Variants in USP45 observed in about 807,000 individuals in gnomAD.
USP45 encodes ubiquitin specific peptidase 45.
A neutral mutation model predicts 95.8 loss-of-function variants in USP45; 89 were observed. The observed-to-expected ratio is 0.93, with a 90% CI of 0.78 to 1.11. The LOEUF (loss-of-function observed/expected upper bound fraction) is 1.11. Among genes scored for constraint, USP45 ranks in the 50% least tolerant of loss-of-function variants. The probability of loss-of-function intolerance (pLI) is 0.00; values close to 1 mark genes in which losing one functional copy is unlikely to be tolerated. For missense variants in USP45, 898 were observed against 942.5 expected (o/e 0.95, Z 0.62); for synonymous variants, 281 against 316.2 (o/e 0.89, Z 1.18).
chr6:99,485,557 G>C (rs558456990), intron 7 of USP45, among the ~76,000 whole-genome samples: 1 of 152,110 alleles, frequency 6.6e-6, no homozygotes. Flanking sequence ...TACTCATGTG[G>C]GTTAGGGAAG....
chr6:99,486,560 C>T (rs981771080), intron 7 of USP45, among the ~76,000 whole-genome samples: 5 of 150,548 alleles, frequency 3.3e-5, no homozygotes, highest in African/African-American at 4.9e-5. Context: ...GGCTGCTTTT[C>T]GACTATATAT....
At chr6:99,454,690 GTTA>G (rs566151703) in intron 13 of USP45, among the ~76,000 whole-genome samples, 60 of 152,314 alleles carry the variant, frequency 3.9e-4, no homozygotes, top group Non-Finnish European at 8.2e-4. Context: ...CAGTTGAATG[GTTA>G]TTATCAAAAA....
intron 5 of USP45, among the ~76,000 whole-genome samples, chr6:99,493,867 G>A (rs2128749507): frequency 6.6e-6 from 1 of 152,282 alleles, no homozygotes; most frequent in South Asian, 2.1e-4. Flanking sequence ...TGTTTTCAGA[G>A]ATAACAAAGC....
intron 4 of USP45, 71 bp from the exon 5 acceptor site, chr6:99,503,936 G>T: frequency 9.0e-7 from 1 of 1,117,092 alleles, no homozygotes; most frequent in Non-Finnish European, 1.2e-6. Context: ...AGATAACAAA[G>T]TTGGTATTTA....
Position 99,464,745 on chromosome 6 carries a change from AACCTAT to A in USP45, c.1165-4_1166del. ...TTCTTCCCCAAAGTAAAGGTTTTGA[AACCTAT>A]GTAAATGCCACATACAGAAACCAAA... On this transcript the variant is annotated splice_acceptor_variant and splice_polypyrimidine_tract_variant and coding_sequence_variant and intron_variant, in exon 13 of 18. Coordinates refer to ENST00000500704, the MANE Select transcript of USP45 (RefSeq NM_001346022.3). LOFTEE classifies it high-confidence loss of function. 6.2e-7 allele frequency: 1 copy of A among 1,601,122 alleles called. No homozygotes were observed. Among genetic ancestry groups the A allele is most frequent in the Non-Finnish European group, 8.5e-7 (1 of 1,177,052 alleles).
chr6:99,488,121 C>T, intron 7 of USP45, 79 bp downstream of exon 7: 1 of 902,084 alleles, frequency 1.1e-6, no homozygotes, highest in East Asian at 2.5e-5. Flanking sequence ...GTTGACTGAT[C>T]TGCGAATTAG....
chr6:99,484,004 GTTTTT>G (rs773687208), intron 7 of USP45, among the ~76,000 whole-genome samples: 1,266 of 91,468 alleles, frequency 0.014, 16 homozygotes, highest in South Asian at 0.022. Context: ...ATTTTCCATA[GTTTTT>G]TTTTTTTTTT....
At chr6:99,451,552 C>A (rs943303217) in intron 13 of USP45, among the ~76,000 whole-genome samples, 3 of 152,180 alleles carry the variant, frequency 2.0e-5, no homozygotes, top group South Asian at 4.1e-4. Flanking sequence ...AATGGAAGAA[C>A]CTTCCATACT....
At chr6:99,459,860 G>A (rs1211548218) in intron 13 of USP45, among the ~76,000 whole-genome samples, 4 of 152,258 alleles carry the variant, frequency 2.6e-5, no homozygotes, top group African/African-American at 9.6e-5. Context: ...AGCACCAAAT[G>A]GTGGTGGGGA....
At position 99,446,410 on chromosome 6, in the gene USP45, A is replaced by G; in HGVS notation, c.1362T>C (p.Thr454=). The G allele has an allele frequency of 6.2e-7, 1 of 1,614,114 alleles. No individual in the cohort carries two copies. The highest frequency in any genetic ancestry group is 8.5e-7 in the Non-Finnish European group (1 of 1,180,020). Residue 454 remains threonine (T), a synonymous_variant, in exon 14 of 18, where the codon ACT becomes ACC. Coordinates refer to ENST00000500704, the MANE Select transcript of USP45 (RefSeq NM_001346022.3). Reference sequence around the variant, plus strand: ...GGTTTTCATTTTTCTGGTATGTGACAGTTTCTCCAGATGACAATTTTCTAA... The same window carrying G: ...GGTTTTCATTTTTCTGGTATGTGACGGTTTCTCCAGATGACAATTTTCTAA... The part of the protein sequence containing the change: ...KCIRKLSSGE[T]VTYQKNENLE...
At chr6:99,510,340 G>A (rs188720073) in intron 1 of USP45, 110 bp from the exon 2 acceptor site, 43 of 681,258 alleles carry the variant, frequency 6.3e-5, no homozygotes, top group Admixed American at 2.0e-4. Context: ...CAACTGGTCC[G>A]GGAAATCAAC....
rs1411592087 is a variant in USP45, at chr6:99,468,628, A to G, written c.934-10T>C. ...TGCTAGCTTGTATTCGCTGTAAAACAAAGTTAATAGATTCTGGTCTAATAA... is the reference window on the plus strand; with the variant it reads ...TGCTAGCTTGTATTCGCTGTAAAACGAAGTTAATAGATTCTGGTCTAATAA... On this transcript the variant is annotated splice_polypyrimidine_tract_variant and intron_variant, in intron 9 of 17. Transcript: ENST00000500704. The G allele has an allele frequency of 1.3e-6, 2 of 1,578,798 alleles. No individual in the cohort carries two copies. The highest frequency in any genetic ancestry group is 1.7e-6 in the Non-Finnish European group (2 of 1,152,808).
chr6:99,464,504 G>A, intron 13 of USP45, 100 bp downstream of exon 13: 1 of 1,324,942 alleles, frequency 7.5e-7, no homozygotes, highest in African/African-American at 1.5e-5. Context: ...ATGGGTACAT[G>A]AGAGTTTATT....
chr6:99,489,376 G>T (rs1794682627), intron 5 of USP45, among the ~76,000 whole-genome samples: 3 of 152,132 alleles, frequency 2.0e-5, no homozygotes, highest in Admixed American at 6.5e-5. Context: ...ATCTGAATTG[G>T]TAACAGATTT....
At chr6:99,514,683 T>C (rs987709378) in intron 1 of USP45, among the ~76,000 whole-genome samples, 3 of 152,086 alleles carry the variant, frequency 2.0e-5, no homozygotes, top group African/African-American at 7.2e-5. Context: ...AAAAAATCCT[T>C]TTTTCCTACT....
intron 15 of USP45, among the ~76,000 whole-genome samples, chr6:99,440,684 CA>C: frequency 6.6e-6 from 1 of 151,992 alleles, no homozygotes; most frequent in South Asian, 2.1e-4. Context: ...TCTTTAAAAA[CA>C]AAAAACCCTT....
rs1780139997 is a variant in USP45, at chr6:99,434,310, T to G, written c.*1406A>C. 6.6e-6 allele frequency: 1 copy of G among 152,204 alleles called. No individual in the cohort carries two copies. Among genetic ancestry groups the G allele is most frequent in the South Asian group, 2.1e-4 (1 of 4,824 alleles). 9.4% of individuals were successfully genotyped at this position (152,204 alleles called of 1,614,324 possible). On this transcript the variant is annotated 3_prime_UTR_variant, in exon 18 of 18. Coordinates refer to ENST00000500704, the MANE Select transcript of USP45 (RefSeq NM_001346022.3). ...AGACAGTCTTGATTAAATATTTCCATACCTTATCTGCAGCCACTATTCTTA... is the reference window on the plus strand; with the variant it reads ...AGACAGTCTTGATTAAATATTTCCAGACCTTATCTGCAGCCACTATTCTTA...
intron 9 of USP45, 35 bp downstream of exon 9, chr6:99,476,108 G>T: frequency 6.3e-7 from 1 of 1,585,142 alleles, no homozygotes; most frequent in South Asian, 1.1e-5. Context: ...TCCTCTTCTT[G>T]AAGAGAATAC....
chr6:99,443,834 TAAAGG>T (rs911184457), intron 14 of USP45, among the ~76,000 whole-genome samples, 172 bp from the exon 15 acceptor site: 3 of 152,032 alleles, frequency 2.0e-5, no homozygotes, highest in Admixed American at 2.0e-4. Context: ...AAAATGAAAG[TAAAGG>T]AATTTTTTTT....
Sources: gnomAD v4.1 joint callset for allele counts (sites outside exome capture counted in the v4.1 genomes callset) on GRCh38, gnomAD v4.1.1 for gene constraint, MANE v1.5 for transcripts, NCBI Gene and HGNC (gene_info 2026-07-23, HGNC 2026-07-21) for gene names.